The following CNTN4 variants were observed in gnomAD, a reference collection of about 807,000 sequenced individuals.
CNTN4 encodes the protein contactin-4.
A neutral mutation model predicts 122.5 loss-of-function variants in CNTN4; 77 were observed. The ratio of observed to expected loss-of-function variants is 0.63; its 90% CI spans 0.52 to 0.76. The LOEUF is 0.76. CNTN4 is among the 30% of genes least tolerant of loss of function. The pLI, the probability that CNTN4 is intolerant of heterozygous loss-of-function variation, is 0.00. For synonymous variants in CNTN4, 512 were observed against 447.0 expected (o/e 1.15, Z -1.83); for missense variants, 1,256 against 1,259.1 (o/e 1.00, Z 0.04).
intron 4 of CNTN4, among the ~76,000 whole-genome samples, chr3:2,618,835 G>A (rs141167582): frequency 5.6e-4 from 85 of 152,286 alleles, no homozygotes; most frequent in Admixed American, 1.4e-3. Flanking sequence ...TCTTAAAAAT[G>A]TCAGGTATTT....
chr3:2,919,456 G>A (rs548918534), intron 12 of CNTN4, among the ~76,000 whole-genome samples: 23 of 151,706 alleles, frequency 1.5e-4, no homozygotes, highest in African/African-American at 4.6e-4. Flanking sequence ...ATCAAGCACC[G>A]TGCCAGGCCC....
At chr3:2,708,318 TTCCAACAAAAAGTAA>T (rs2086864820) in intron 4 of CNTN4, among the ~76,000 whole-genome samples, 1 of 152,114 alleles carries the variant, frequency 6.6e-6, no homozygotes, top group Non-Finnish European at 1.5e-5. Context: ...GAAATGGGGT[TTCCAACAAAAAGTAA>T]TCATTTACAT....
chr3:2,767,318 G>A (rs578101775), intron 6 of CNTN4, among the ~76,000 whole-genome samples: 3 of 152,190 alleles, frequency 2.0e-5, no homozygotes, highest in Non-Finnish European at 4.4e-5. Context: ...TTGTTATCAA[G>A]TGATTGGTGT....
At chr3:2,427,036 G>T (rs1327414900) in intron 3 of CNTN4, among the ~76,000 whole-genome samples, 1 of 151,962 alleles carries the variant, frequency 6.6e-6, no homozygotes, top group Non-Finnish European at 1.5e-5. Flanking sequence ...TGGATTCATT[G>T]ATTTTTTTGA....
intron 2 of CNTN4, among the ~76,000 whole-genome samples, chr3:2,223,780 G>A (rs1003090760): frequency 6.6e-6 from 1 of 152,168 alleles, no homozygotes; most frequent in African/African-American, 2.4e-5. Flanking sequence ...GTATAAGGGA[G>A]GGAAAATGGC....
At chr3:2,953,302 C>T (rs1390967837) in intron 13 of CNTN4, among the ~76,000 whole-genome samples, 1 of 152,084 alleles carries the variant, frequency 6.6e-6, no homozygotes, top group African/African-American at 2.4e-5. Context: ...TGTTAATTCC[C>T]CCCAGATTGT....
chr3:2,354,101 G>A (rs562568714), intron 3 of CNTN4, among the ~76,000 whole-genome samples: 11 of 152,172 alleles, frequency 7.2e-5, no homozygotes, highest in Non-Finnish European at 1.3e-4. Flanking sequence ...TTAAAAACAC[G>A]TAAGTTCAGA....
intron 13 of CNTN4, among the ~76,000 whole-genome samples, chr3:2,949,275 C>T (rs1187985761): frequency 6.6e-6 from 1 of 152,108 alleles, no homozygotes; most frequent in Non-Finnish European, 1.5e-5. Flanking sequence ...AGACCTTGCT[C>T]CTGTCATGCC....
chr3:2,213,669 G>A (rs527407669), intron 2 of CNTN4, among the ~76,000 whole-genome samples: 51 of 152,232 alleles, frequency 3.4e-4, no homozygotes, highest in African/African-American at 1.1e-3. Flanking sequence ...ATTGGTGTTC[G>A]CAAATGCCAG....
At chr3:2,399,785 G>T (rs1042818320) in intron 3 of CNTN4, among the ~76,000 whole-genome samples, 2 of 151,998 alleles carry the variant, frequency 1.3e-5, no homozygotes, top group Non-Finnish European at 2.9e-5. Context: ...TGGATTCTAA[G>T]TGGAATAACT....
intron 13 of CNTN4, among the ~76,000 whole-genome samples, chr3:2,980,210 A>G (rs914479094): frequency 2.9e-4 from 44 of 152,190 alleles, no homozygotes; most frequent in African/African-American, 1.0e-3. Flanking sequence ...CTGCTTCTCT[A>G]TGCTCTAGGT....
At chr3:3,023,147 CAA>C (rs1378579100) in intron 14 of CNTN4, among the ~76,000 whole-genome samples, 2 of 152,126 alleles carry the variant, frequency 1.3e-5, no homozygotes, top group African/African-American at 4.8e-5. Context: ...ACACAGAAAA[CAA>C]GAGTACTGAA....
At chr3:3,025,409 GC>G (rs1245863461) in intron 14 of CNTN4, among the ~76,000 whole-genome samples, 1 of 152,036 alleles carries the variant, frequency 6.6e-6, no homozygotes, top group Non-Finnish European at 1.5e-5. Flanking sequence ...AAAACTGTAA[GC>G]TTAAAGCAGA....
At chr3:2,587,363 T>G (rs961605849) in intron 4 of CNTN4, among the ~76,000 whole-genome samples, 2 of 151,674 alleles carry the variant, frequency 1.3e-5, no homozygotes, top group African/African-American at 4.8e-5. Context: ...ATATTCTGTA[T>G]AGAATTTTGT....
chr3:2,271,216 G>A (rs2041281274), intron 2 of CNTN4, among the ~76,000 whole-genome samples: 1 of 151,938 alleles, frequency 6.6e-6, no homozygotes, highest in South Asian at 2.1e-4. Context: ...ATGAACAGCA[G>A]ATCATTTTGA....
At chr3:2,917,945 A>T (rs1055729195) in intron 12 of CNTN4, among the ~76,000 whole-genome samples, 24 of 152,050 alleles carry the variant, frequency 1.6e-4, no homozygotes, top group African/African-American at 5.6e-4. Flanking sequence ...GGCACCAACA[A>T]TATTCCATCT....
intron 4 of CNTN4, among the ~76,000 whole-genome samples, chr3:2,606,746 G>C (rs1334069397): frequency 1.3e-5 from 2 of 152,188 alleles, no homozygotes; most frequent in African/African-American, 4.8e-5. Flanking sequence ...CCAAATAGCT[G>C]TGGTTTCCCT....
intron 23 of CNTN4, among the ~76,000 whole-genome samples, chr3:3,052,007 C>T (rs1344894047): frequency 6.6e-6 from 1 of 152,204 alleles, no homozygotes; most frequent in Non-Finnish European, 1.5e-5. Flanking sequence ...CAGAACTAAT[C>T]ACAAACTCCA....
At chr3:2,447,939 A>G (rs569180078) in intron 3 of CNTN4, among the ~76,000 whole-genome samples, 1 of 152,310 alleles carries the variant, frequency 6.6e-6, no homozygotes, top group African/African-American at 2.4e-5. Flanking sequence ...TTTCTGAAAG[A>G]TATTCAATTC....
Sources: allele counts gnomAD v4.1 joint callset (sites outside exome capture counted in the v4.1 genomes callset), GRCh38; gene constraint gnomAD v4.1.1; transcripts MANE v1.5; gene names NCBI Gene and HGNC (gene_info 2026-07-23, HGNC 2026-07-21).